BNC2: variants seen among roughly 807,000 people sequenced by gnomAD.
The protein encoded by BNC2 is zinc finger protein basonuclin-2.
Under a neutral mutation model 76.3 loss-of-function variants are expected in BNC2, and 20 were observed. The ratio of observed to expected loss-of-function variants is 0.26; its 90% CI spans 0.18 to 0.38. The LOEUF (loss-of-function observed/expected upper bound fraction) is 0.38, where lower values mean the gene tolerates loss of function less well. Ranked by LOEUF, BNC2 falls within the 10% of genes least tolerant of loss-of-function variation. The pLI, the probability that BNC2 is intolerant of heterozygous loss-of-function variation, is 1.00. For synonymous variants in BNC2, 582 were observed against 514.8 expected, an observed-to-expected ratio of 1.13 and a Z score of -1.77; for missense variants, 1,382 against 1,399.8, an observed-to-expected ratio of 0.99 and a Z score of 0.20.
At chr9:16,486,359 G>A (rs1346118473) in intron 5 of BNC2, among the ~76,000 whole-genome samples, 1 of 152,186 alleles carries the variant, frequency 6.6e-6, no homozygotes, top group Non-Finnish European at 1.5e-5. Flanking sequence ...TCCTAGTTCT[G>A]TGGGACTTGA....
chr9:16,771,645 C>G (rs1199077216), intron 1 of BNC2, among the ~76,000 whole-genome samples: 1 of 152,210 alleles, frequency 6.6e-6, no homozygotes, highest in South Asian at 2.1e-4. Context: ...AATGACAAGA[C>G]AAAGCCTCAC....
chr9:16,700,555 C>A (rs1163091995), intron 3 of BNC2, among the ~76,000 whole-genome samples: 1 of 152,218 alleles, frequency 6.6e-6, no homozygotes, highest in African/African-American at 2.4e-5. Flanking sequence ...AAGCAATCCT[C>A]CTGACTCAGC....
chr9:16,441,875 T>C (rs1212395806), intron 5 of BNC2, among the ~76,000 whole-genome samples: 1 of 152,216 alleles, frequency 6.6e-6, no homozygotes, highest in African/African-American at 2.4e-5. Context: ...TAAAAAGAAT[T>C]AGGTATTATC....
At chr9:16,421,717 G>A (rs1820713725) in intron 6 of BNC2, among the ~76,000 whole-genome samples, 2 of 152,316 alleles carry the variant, frequency 1.3e-5, no homozygotes, top group South Asian at 2.1e-4. Context: ...GCAAAGTGCA[G>A]GAAATGCCTA....
chr9:16,495,142 C>T (rs566082380), intron 5 of BNC2, among the ~76,000 whole-genome samples: 2 of 152,102 alleles, frequency 1.3e-5, no homozygotes, highest in Non-Finnish European at 2.9e-5. Flanking sequence ...GGGATTATTA[C>T]AGCCTGAATA....
intron 3 of BNC2, among the ~76,000 whole-genome samples, chr9:16,715,995 T>A (rs1823986669): frequency 6.6e-6 from 1 of 152,200 alleles, no homozygotes; most frequent in Non-Finnish European, 1.5e-5. Flanking sequence ...TAATTAAATG[T>A]TTTTTAAAAT....
chr9:16,451,456 T>G lies in BNC2; in HGVS notation c.670-13932A>C, dbSNP rs561404014. On this transcript the variant is annotated intron_variant, in intron 5 of 6. Transcript: ENST00000380672. Reference sequence around the variant, plus strand: ...GCAAACCTTTCATGGCTCCCTATTGTACACAGAATAAATAATAAATCCTCT... The same window carrying G: ...GCAAACCTTTCATGGCTCCCTATTGGACACAGAATAAATAATAAATCCTCT... 1.0e-3 allele frequency among the ~76,000 whole-genome samples: 159 copies of G among 152,172 alleles called. 1 individual carries two copies. The highest frequency in any genetic ancestry group is 3.6e-3 in the African/African-American group (150 of 41,486).
At position 16,821,241 on chromosome 9, in the gene BNC2, A is replaced by G. The variant is rs540086642; in HGVS notation, c.3+49405T>C. Among the ~76,000 whole-genome samples the G allele has an allele frequency of 7.9e-5, 12 of 151,576 alleles. No individual in the cohort carries two copies. The East Asian group carries it at 1.7e-3, about 22-fold the overall frequency. ...AGAACAAAACTCCGTCTCAAAAAAA[A>G]AAAAAGAAAAAAAAAGGATTCAAGG... On this transcript the variant is annotated intron_variant, in intron 1 of 6. Coordinates refer to ENST00000380672, the MANE Select transcript of BNC2 (RefSeq NM_017637.6).
intron 1 of BNC2, chr9:16,775,759 T>A (rs971856298): frequency 5.2e-6 from 1 of 192,574 alleles, no homozygotes; most frequent in Admixed American, 5.1e-5. Flanking sequence ...TGATCAATAC[T>A]TCTTAAGTCT....
chr9:16,464,057 G>T (rs372352134), intron 5 of BNC2, among the ~76,000 whole-genome samples: 1 of 118,084 alleles, frequency 8.5e-6, no homozygotes, highest in African/African-American at 3.4e-5. Flanking sequence ...TTGTGCTACC[G>T]AACTCCAGCC....
At chr9:16,665,307 T>C (rs984259495) in intron 3 of BNC2, 4 of 314,908 alleles carry the variant, frequency 1.3e-5, no homozygotes, top group East Asian at 1.0e-4. Flanking sequence ...GAGGTGGAGG[T>C]TGCAGTAAGC....
At chr9:16,697,150 G>C (rs1221058745) in intron 3 of BNC2, among the ~76,000 whole-genome samples, 1 of 150,720 alleles carries the variant, frequency 6.6e-6, no homozygotes, top group African/African-American at 2.4e-5. Flanking sequence ...CACGAGGTCA[G>C]GATTTCGAGA....
chr9:16,516,602 C>A (rs1400344368), intron 5 of BNC2, among the ~76,000 whole-genome samples: 1 of 152,150 alleles, frequency 6.6e-6, no homozygotes, highest in African/African-American at 2.4e-5. Flanking sequence ...CTAGTACACA[C>A]AGTCTAAATA....
chr9:16,619,919 G>C (rs190785028), intron 3 of BNC2, among the ~76,000 whole-genome samples: 4 of 152,122 alleles, frequency 2.6e-5, no homozygotes, highest in Admixed American at 1.3e-4. Context: ...CCCAACGGTA[G>C]AATCAACATT....
rs538057206 is a variant in BNC2 at position 16,429,919 on chromosome 9, T to A, written c.2639+5636A>T. The A allele has an allele frequency of 3.7e-5, 19 of 512,514 alleles. No individual in the cohort carries two copies. In the East Asian group the frequency reaches 8.3e-4, roughly 22 times the overall value. The allele number at this position is 512,514 out of a possible 1,614,324, so 31.7% of individuals were successfully genotyped here. On this transcript the variant is annotated intron_variant, in intron 6 of 6. Coordinates refer to ENST00000380672, the MANE Select transcript of BNC2 (RefSeq NM_017637.6). ...GGCCAGCAGGAGGTCATTAGGAAGA[T>A]CCGAGGCTCACTTTAGGCTTGACAG...
intron 4 of BNC2, among the ~76,000 whole-genome samples, chr9:16,557,379 G>C (rs1818868436): frequency 6.6e-6 from 1 of 151,798 alleles, no homozygotes; most frequent in Non-Finnish European, 1.5e-5. Context: ...CACGCCTGTA[G>C]TCCCAGCTAC....
intron 5 of BNC2, among the ~76,000 whole-genome samples, chr9:16,468,368 G>A (rs1340608742): frequency 3.3e-5 from 5 of 151,704 alleles, no homozygotes; most frequent in East Asian, 1.9e-4. Context: ...ATTCTGCTAG[G>A]TATTTTATAT....
In BNC2 at chr9:16,791,319, C is replaced by T. The variant is rs536177059; in HGVS notation, c.4-52834G>A. Among the ~76,000 whole-genome samples, 4 of 152,200 alleles carry T rather than the reference C, an allele frequency of 2.6e-5. No homozygotes were observed. The South Asian group carries it at 8.3e-4, about 32-fold the overall frequency. ...ATCGTGATCCGCCTGCCTCGGCCTC[C>T]CAAAGTGCTAGGATTACAGGCATGA... On this transcript the variant is annotated intron_variant, in intron 1 of 6. Transcript: ENST00000380672.
At chr9:16,829,897 T>G (rs949228389) in intron 1 of BNC2, among the ~76,000 whole-genome samples, 1 of 152,196 alleles carries the variant, frequency 6.6e-6, no homozygotes, top group African/African-American at 2.4e-5. Context: ...AAACACTATA[T>G]TCACACTATA....
Sources: gnomAD v4.1 joint callset for allele counts (sites outside exome capture counted in the v4.1 genomes callset) on GRCh38, gnomAD v4.1.1 for gene constraint, MANE v1.5 for transcripts, NCBI Gene and HGNC (gene_info 2026-07-23, HGNC 2026-07-21) for gene names.